TSPAN18: variants seen among roughly 807,000 people sequenced by gnomAD.
The protein encoded by TSPAN18 is tetraspanin 18, also known as tetraspanin-18.
TSPAN18 carries 14 observed loss-of-function variants against 27.3 expected under a neutral mutation model. The ratio of observed to expected loss-of-function variants is 0.51; its 90% CI spans 0.34 to 0.80. The LOEUF (loss-of-function observed/expected upper bound fraction) is 0.80, where lower values mean the gene tolerates loss of function less well. Among genes scored for constraint, TSPAN18 ranks in the 30% least tolerant of loss-of-function variants. The probability of loss-of-function intolerance (pLI) is 0.01; values close to 1 mark genes in which losing one functional copy is unlikely to be tolerated. For missense variants in TSPAN18, 268 were observed against 323.9 expected (o/e 0.83, Z 1.32); for synonymous variants, 143 against 136.5 (o/e 1.05, Z -0.33).
rs543905223 is a variant in TSPAN18 at position 44,778,025 on chromosome 11, G to A, written c.-153+13513G>A. Reference sequence around the variant, plus strand: ...GGGGGTAGAGCACAGGAGAACCCTTGGAGAGGTTGAGCAGATGGGAATTAT... The same window carrying A: ...GGGGGTAGAGCACAGGAGAACCCTTAGAGAGGTTGAGCAGATGGGAATTAT... On this transcript the variant is annotated intron_variant, in intron 2 of 9. Coordinates refer to ENST00000520358, the MANE Select transcript of TSPAN18 (RefSeq NM_130783.5). Among the ~76,000 whole-genome samples the A allele has an allele frequency of 3.9e-5, 6 of 152,240 alleles. No homozygotes were observed. In the East Asian group the frequency reaches 9.6e-4, roughly 24 times the overall value.
chr11:44,862,901 G>GCAGCT (rs1390869838), intron 3 of TSPAN18, among the ~76,000 whole-genome samples: 1 of 152,202 alleles, frequency 6.6e-6, no homozygotes, highest in Non-Finnish European at 1.5e-5. Context: ...AGGAGGAAGG[G>GCAGCT]CAGCTGTTAG....
chr11:44,751,350 G>C (rs1590418357), intron 1 of TSPAN18, among the ~76,000 whole-genome samples: 1 of 152,092 alleles, frequency 6.6e-6, no homozygotes, highest in Non-Finnish European at 1.5e-5. Context: ...AGGCTCCAGG[G>C]CCAGGCTGCC....
intron 1 of TSPAN18, among the ~76,000 whole-genome samples, chr11:44,760,164 G>C (rs1855419503): frequency 6.6e-6 from 1 of 152,230 alleles, no homozygotes; most frequent in Non-Finnish European, 1.5e-5. Flanking sequence ...AAAAGGCCTT[G>C]TGTCTAGACA....
intron 8 of TSPAN18, among the ~76,000 whole-genome samples, chr11:44,920,496 T>C (rs545760890): frequency 3.3e-5 from 5 of 152,318 alleles, no homozygotes; most frequent in Non-Finnish European, 7.4e-5. Context: ...ACCTGAGGAC[T>C]TCCTCGCAGC....
intron 3 of TSPAN18, among the ~76,000 whole-genome samples, chr11:44,904,742 T>C (rs903345939): frequency 6.6e-6 from 1 of 152,228 alleles, no homozygotes; most frequent in East Asian, 1.9e-4. Context: ...ACCGCTCTGC[T>C]CCATCTGTTC....
chr11:44,756,306 G>A (rs898137242), intron 1 of TSPAN18, among the ~76,000 whole-genome samples: 6 of 150,932 alleles, frequency 4.0e-5, no homozygotes, highest in African/African-American at 1.5e-4. Flanking sequence ...AGAACAAAAA[G>A]GAGGGAGGGA....
At chr11:44,730,340 A>C (rs1590396009) in intron 1 of TSPAN18, among the ~76,000 whole-genome samples, 1 of 151,656 alleles carries the variant, frequency 6.6e-6, no homozygotes, top group East Asian at 1.9e-4. Context: ...GGTTTTAGGG[A>C]CCTCTCCCTT....
chr11:44,851,124 C>A (rs921490619), intron 2 of TSPAN18, among the ~76,000 whole-genome samples: 2 of 152,204 alleles, frequency 1.3e-5, no homozygotes, highest in Non-Finnish European at 2.9e-5. Flanking sequence ...CCATGCTGCA[C>A]GTGTGTGTGG....
chr11:44,900,192 C>T (rs1281353583), intron 3 of TSPAN18, among the ~76,000 whole-genome samples: 1 of 152,200 alleles, frequency 6.6e-6, no homozygotes, highest in Non-Finnish European at 1.5e-5. Flanking sequence ...TGTGTCCCCA[C>T]ATTCAGTAGG....
chr11:44,790,523 GGTGTGTGCAT>G lies in TSPAN18; in HGVS notation c.-153+26024_-153+26033del, dbSNP rs1332534165. On this transcript the variant is annotated intron_variant, in intron 2 of 9. Transcript: ENST00000520358. ...TATGTTTGTGTGTGCATGTGTTTTTGGTGTGTGCATGTGTGTGCATGTTTGTGTGTGCATG... is the reference window on the plus strand; with the variant it reads ...TATGTTTGTGTGTGCATGTGTTTTTGGTGTGTGCATGTTTGTGTGTGCATG... 1.7e-3 allele frequency among the ~76,000 whole-genome samples: 225 copies of G among 130,206 alleles called. 1 individual carries two copies. Among genetic ancestry groups the G allele is most frequent in the East Asian group, 3.6e-3 (15 of 4,184 alleles). 85.4% of individuals were successfully genotyped at this position (130,206 alleles called of 152,430 possible).
chr11:44,787,451 C>A (rs746289416), intron 2 of TSPAN18, among the ~76,000 whole-genome samples: 2 of 152,164 alleles, frequency 1.3e-5, no homozygotes, highest in African/African-American at 2.4e-5. Context: ...AAAATTCCTG[C>A]AGTGGACAAC....
chr11:44,919,728 C>T, intron 7 of TSPAN18, 89 bp from the exon 8 acceptor site: 2 of 1,337,890 alleles, frequency 1.5e-6, no homozygotes, highest in South Asian at 2.4e-5. Flanking sequence ...TCTGATGCCA[C>T]TCCTTTGCAG....
chr11:44,821,942 G>A (rs1265113410), intron 2 of TSPAN18, among the ~76,000 whole-genome samples: 2 of 152,226 alleles, frequency 1.3e-5, no homozygotes, highest in African/African-American at 4.8e-5. Context: ...CGACTGTCGT[G>A]GAGGAAGGGT....
At chr11:44,907,560 G>C (rs2135329477) in intron 4 of TSPAN18, among the ~76,000 whole-genome samples, 1 of 152,266 alleles carries the variant, frequency 6.6e-6, no homozygotes, top group Non-Finnish European at 1.5e-5. Context: ...AAGCCTTGCA[G>C]ACTTGAATTC....
At chr11:44,828,339 C>CA (rs199714924) in intron 2 of TSPAN18, among the ~76,000 whole-genome samples, 52 of 150,504 alleles carry the variant, frequency 3.5e-4, no homozygotes, top group African/African-American at 1.1e-3. Context: ...ACAACAACAA[C>CA]AAAAAAAAAG....
intron 3 of TSPAN18, among the ~76,000 whole-genome samples, chr11:44,888,085 C>A (rs1437388529): frequency 2.0e-5 from 3 of 152,174 alleles, no homozygotes; most frequent in Non-Finnish European, 4.4e-5. Context: ...GAAACTGAGT[C>A]AGAGAGAGGG....
intron 2 of TSPAN18, among the ~76,000 whole-genome samples, chr11:44,827,757 A>G (rs931966998): frequency 4.6e-5 from 7 of 152,224 alleles, no homozygotes; most frequent in Admixed American, 6.5e-5. Flanking sequence ...GCGAGAATGG[A>G]TGCTGAGGCG....
chr11:44,821,250 A>T (rs2135121592), intron 2 of TSPAN18, among the ~76,000 whole-genome samples: 1 of 152,220 alleles, frequency 6.6e-6, no homozygotes, highest in East Asian at 1.9e-4. Context: ...TACACATGGG[A>T]AACTGAAGCA....
intron 1 of TSPAN18, among the ~76,000 whole-genome samples, chr11:44,756,938 G>T (rs1450007126): frequency 1.3e-5 from 2 of 152,160 alleles, no homozygotes; most frequent in African/African-American, 4.8e-5. Context: ...CCTGATCTTA[G>T]AAGAAAAGCT....
Sources: allele counts gnomAD v4.1 joint callset (sites outside exome capture counted in the v4.1 genomes callset), GRCh38; gene constraint gnomAD v4.1.1; transcripts MANE v1.5; gene names NCBI Gene and HGNC (gene_info 2026-07-23, HGNC 2026-07-21).